ANKFN1: variants seen among roughly 807,000 people sequenced by gnomAD.
ANKFN1 encodes ankyrin repeat and fibronectin type-III domain-containing protein 1.
In ANKFN1, 74 loss-of-function variants were observed where a neutral mutation model predicts 108.7. The observed-to-expected ratio is 0.68, with a 90% CI of 0.56 to 0.83. The LOEUF is 0.83. ANKFN1 is among the 40% of genes least tolerant of loss of function. The probability of loss-of-function intolerance (pLI) is 0.00; values close to 1 mark genes in which losing one functional copy is unlikely to be tolerated. For synonymous variants in ANKFN1, 547 were observed against 516.2 expected (o/e 1.06, Z -0.81); for missense variants, 1,505 against 1,382.3 (o/e 1.09, Z -1.41).
At chr17:56,302,790 C>G (rs923526345) in intron 3 of ANKFN1, among the ~76,000 whole-genome samples, 1 of 152,168 alleles carries the variant, frequency 6.6e-6, no homozygotes, top group Non-Finnish European at 1.5e-5. Flanking sequence ...AAAATGAGAA[C>G]TGTTCTAGAA....
intron 4 of ANKFN1, among the ~76,000 whole-genome samples, chr17:56,085,251 T>TGAAAAAAGG (rs1905296541): frequency 6.7e-6 from 1 of 149,350 alleles, no homozygotes; most frequent in Non-Finnish European, 1.5e-5. Context: ...TGACCTTATT[T>TGAAAAAAGG]GAAAAAAGGC....
chr17:56,344,620 A>T (rs1002361134), intron 4 of ANKFN1, among the ~76,000 whole-genome samples: 1 of 152,080 alleles, frequency 6.6e-6, no homozygotes, highest in Admixed American at 6.6e-5. Flanking sequence ...TCCATCTAAC[A>T]TAGTTAAACT....
At chr17:56,471,825 A>G (rs758152072) in intron 15 of ANKFN1, 1 of 152,270 alleles carries the variant, frequency 6.6e-6, no homozygotes, top group Non-Finnish European at 1.5e-5. Flanking sequence ...CTTATATGCT[A>G]TGCCCAGAAT....
chr17:56,401,957 A>G (rs191706302), intron 8 of ANKFN1, among the ~76,000 whole-genome samples: 3 of 151,964 alleles, frequency 2.0e-5, no homozygotes, highest in Admixed American at 2.0e-4. Flanking sequence ...TTATCATGTG[A>G]TTTTTGTTTT....
intron 4 of ANKFN1, among the ~76,000 whole-genome samples, chr17:56,065,450 C>T (rs1428168752): frequency 6.6e-6 from 1 of 152,158 alleles, no homozygotes; most frequent in Non-Finnish European, 1.5e-5. Flanking sequence ...ACTTGTCTTG[C>T]AGCTTGGCAC....
intron 8 of ANKFN1, among the ~76,000 whole-genome samples, chr17:56,386,281 T>C (rs955024303): frequency 2.8e-5 from 4 of 145,070 alleles, no homozygotes; most frequent in African/African-American, 1.0e-4. Context: ...TGAGAACACA[T>C]GGACGCAGGA....
chr17:56,427,427 T>C (rs914766448), intron 8 of ANKFN1, among the ~76,000 whole-genome samples: 1 of 152,172 alleles, frequency 6.6e-6, no homozygotes, highest in African/African-American at 2.4e-5. Flanking sequence ...GTTTATTTTT[T>C]TTTTACTCAG....
At chr17:56,312,175 A>G (rs2045049379) in intron 3 of ANKFN1, among the ~76,000 whole-genome samples, 1 of 152,130 alleles carries the variant, frequency 6.6e-6, no homozygotes, top group South Asian at 2.1e-4. Context: ...TCCTCAGCCT[A>G]TCTGATAGTA....
intron 4 of ANKFN1, among the ~76,000 whole-genome samples, chr17:56,065,154 C>T (rs868060873): frequency 2.0e-5 from 3 of 152,144 alleles, no homozygotes; most frequent in Non-Finnish European, 2.9e-5. Flanking sequence ...TGTTTCTAGT[C>T]GACCATCTTG....
rs746979702 is a variant in ANKFN1 at position 56,177,701 on chromosome 17, C to T, written c.-71+24171C>T. ...AGGCTGAAGTACGTGATGTCTGCAA[C>T]AGCAGAAATAAAGATGTGAAAATAT... On this transcript the variant is annotated intron_variant, in intron 1 of 20. Transcript: ENST00000682825. Among the ~76,000 whole-genome samples the T allele has an allele frequency of 7.2e-5, 11 of 152,162 alleles. No homozygotes were observed. The East Asian group carries it at 1.2e-3, about 16-fold the overall frequency.
chr17:56,049,219 T>C (rs935985694), intron 4 of ANKFN1, among the ~76,000 whole-genome samples: 9 of 152,174 alleles, frequency 5.9e-5, no homozygotes, highest in African/African-American at 2.2e-4. Context: ...ATAAATTGCT[T>C]CAGTGATTAT....
chr17:56,342,227 CTT>C (rs140624562), intron 4 of ANKFN1, among the ~76,000 whole-genome samples: 16 of 145,296 alleles, frequency 1.1e-4, no homozygotes, highest in South Asian at 6.5e-4. Context: ...AATGGTTTAT[CTT>C]TTTTTTTTTT....
upstream of ANKFN1, among the ~76,000 whole-genome samples, chr17:56,149,661 A>T (rs893588591): frequency 6.6e-6 from 1 of 152,224 alleles, no homozygotes; most frequent in African/African-American, 2.4e-5. Context: ...CACCATTCTC[A>T]GTCCCTCCCC....
At chr17:56,419,712 G>A (rs1191664985) in intron 8 of ANKFN1, among the ~76,000 whole-genome samples, 1 of 151,076 alleles carries the variant, frequency 6.6e-6, no homozygotes, top group Non-Finnish European at 1.5e-5. Context: ...CTACTCAAGA[G>A]GCCTAGTTAC....
At chr17:56,170,807 T>TATACACACACAC (rs1361307404) in intron 1 of ANKFN1, among the ~76,000 whole-genome samples, 3 of 61,458 alleles carry the variant, frequency 4.9e-5, no homozygotes, top group Admixed American at 2.1e-4. Flanking sequence ...TATATATATA[T>TATACACACACAC]ACACACACAC....
intron 3 of ANKFN1, among the ~76,000 whole-genome samples, chr17:56,312,346 A>G (rs534551768): frequency 6.6e-6 from 1 of 152,224 alleles, no homozygotes; most frequent in Admixed American, 6.5e-5. Flanking sequence ...AGCACTGCCT[A>G]TCTAGTCTAG....
At chr17:56,191,938 T>A (rs1912974855) in intron 1 of ANKFN1, among the ~76,000 whole-genome samples, 4 of 151,948 alleles carry the variant, frequency 2.6e-5, no homozygotes, top group Non-Finnish European at 5.9e-5. Context: ...TCTCTATACT[T>A]CCCTTCTCGC....
At chr17:56,143,112 A>G (rs1397810305) in intron 4 of ANKFN1, among the ~76,000 whole-genome samples, 2 of 151,614 alleles carry the variant, frequency 1.3e-5, no homozygotes, top group African/African-American at 4.9e-5. Flanking sequence ...GAGAACAATT[A>G]GGGGTGGGGT....
chr17:56,236,309 G>A lies in ANKFN1; in HGVS notation c.53+8352G>A, dbSNP rs371786497. Among the ~76,000 whole-genome samples, 15 of 152,026 alleles carry A rather than the reference G, an allele frequency of 9.9e-5. No homozygotes were observed. The East Asian group carries it at 1.4e-3, about 14-fold the overall frequency. ...CCTGACCTCATGATCTGCCTGCCTC[G>A]GCCTCCTAAAGTACTGGGATTACAG... On this transcript the variant is annotated intron_variant, in intron 3 of 20. Transcript: ENST00000682825.
Sources: allele counts gnomAD v4.1 joint callset (sites outside exome capture counted in the v4.1 genomes callset), GRCh38; gene constraint gnomAD v4.1.1; transcripts MANE v1.5; gene names NCBI Gene and HGNC (gene_info 2026-07-23, HGNC 2026-07-21).